Variants in CNTNAP1 observed in about 807,000 individuals in gnomAD.
CNTNAP1 encodes the protein contactin associated protein 1, also known as contactin-associated protein 1.
A neutral mutation model predicts 161.5 loss-of-function variants in CNTNAP1; 80 were observed. That is an observed-to-expected ratio of 0.50 (90% confidence interval 0.41 to 0.60). The LOEUF is 0.60. CNTNAP1 is among the 20% of genes least tolerant of loss of function. The probability of loss-of-function intolerance (pLI) is 0.00; values close to 1 mark genes in which losing one functional copy is unlikely to be tolerated. For synonymous variants in CNTNAP1, 695 were observed against 733.1 expected (o/e 0.95, Z 0.84); for missense variants, 1,464 against 1,854.8 (o/e 0.79, Z 3.87).
chr17:42,693,229 G>C, intron 17 of CNTNAP1, 68 bp from the exon 18 acceptor site: 1 of 1,590,938 alleles, frequency 6.3e-7, no homozygotes, highest in Non-Finnish European at 8.6e-7. Flanking sequence ...AAAGTGCTGG[G>C]ATTACAGGCG....
rs2053191753 is a variant in CNTNAP1, at chr17:42,698,982, G to A, written c.*72G>A. 7.2e-7 allele frequency: 1 copy of A among 1,393,070 alleles called. No individual in the cohort carries two copies. Among genetic ancestry groups the A allele is most frequent in the African/African-American group, 1.4e-5 (1 of 69,220 alleles). 86.3% of individuals were successfully genotyped at this position (1,393,070 alleles called of 1,614,324 possible). ...GTCCTGCCTCTCCCCCATCCTATCA[G>A]GGACATTTGGCTCCTCTTAGCTGGC... On this transcript the variant is annotated 3_prime_UTR_variant, in exon 24 of 24. Transcript: ENST00000264638.
At chr17:42,693,157 C>G (rs2053112144) in intron 17 of CNTNAP1, 140 bp from the exon 18 acceptor site, 2 of 1,017,136 alleles carry the variant, frequency 2.0e-6, no homozygotes, top group Non-Finnish European at 2.9e-6. Flanking sequence ...GACGGGGTTT[C>G]ATCATGTTAG....
chr17:42,694,462 G>A (rs1032966896), intron 18 of CNTNAP1, among the ~76,000 whole-genome samples: 1 of 152,100 alleles, frequency 6.6e-6, no homozygotes, highest in Non-Finnish European at 1.5e-5. Flanking sequence ...GTGAGCCACA[G>A]CGCCTGGCAA....
Position 42,697,309 on chromosome 17 carries a change from G to C in CNTNAP1, c.3510G>C (p.Ser1170=). 6.2e-7 allele frequency: 1 copy of C among 1,613,596 alleles called. No homozygotes were observed. Among genetic ancestry groups the C allele is most frequent in the Non-Finnish European group, 8.5e-7 (1 of 1,179,912 alleles). The change falls in exon 21 of 24, where the codon TCG becomes TCC. Residue 1170 remains serine (S), a synonymous_variant. Coordinates refer to ENST00000264638, the MANE Select transcript of CNTNAP1 (RefSeq NM_003632.3). ...TCCCACTGACAGAGCAGAAGTTCTC[G>C]CTGTTGGTGGACAGCCAGTTGGACT... ...DYFPLTEQKF[S]LLVDSQLDSP...
At position 42,687,795 on chromosome 17, in the gene CNTNAP1, G is replaced by A; in HGVS notation, c.1120G>A (p.Val374Met). 2 of 1,614,232 alleles carry A rather than the reference G, an allele frequency of 1.2e-6. No individual in the cohort carries two copies. The highest frequency in any genetic ancestry group is 1.7e-6 in the Non-Finnish European group (2 of 1,180,046). ...NFGGPHNFVQ[V>M]PGFPRRGRLA... ...CGGAGGCCCTCACAACTTCGTTCAAGTGCCCGGTTTCCCACGCCGTGGCCG... is the reference window on the plus strand; with the variant it reads ...CGGAGGCCCTCACAACTTCGTTCAAATGCCCGGTTTCCCACGCCGTGGCCG... The change falls in exon 8 of 24, where the codon GTG (valine) becomes ATG (methionine). Residue 374 changes from valine (V) to methionine (M), a missense_variant. Physicochemically the swap from Val to Met is conservative, Grantham distance 21 (BLOSUM62 1). This residue lies in a region of CNTNAP1 where 1,383 missense variants were observed against 1,765.0 expected (regional missense o/e 0.78). Coordinates refer to ENST00000264638, the MANE Select transcript of CNTNAP1 (RefSeq NM_003632.3). The surrounding 1 kb of genome is among the most constrained non-coding windows in gnomAD (Gnocchi z 4.7).
rs780261593 is a variant in CNTNAP1, at chr17:42,698,835, CCCAACT to C, written c.4084_4089del (p.Thr1362_Pro1363del). On this transcript the variant is annotated inframe_deletion, in exon 24 of 24. Transcript: ENST00000264638. ...CTCCAGCCTCAGCCCCAGCCCCAGC[CCCAACT>C]CCAGCCCCAGCCCCTGGCCCCCGGG... is the stretch of plus-strand genomic sequence containing the variant. The C allele has an allele frequency of 1.6e-5, 25 of 1,600,094 alleles. No individual in the cohort carries two copies. The South Asian group carries it at 2.6e-4, about 17-fold the overall frequency.
rs1457064945 is a variant in CNTNAP1 at position 42,691,458 on chromosome 17, G to A, written c.2291G>A (p.Arg764His). ...CAGGTAGTGATAGGGGATACGAACC[G>A]CTCCACTTCTGAGGCCCAGTTCTTC... is the stretch of plus-strand genomic sequence containing the variant. ...VTQVVIGDTN[R>H]STSEAQFFLR... Residue 764 changes from arginine to histidine, a missense_variant, in exon 15 of 24, where the codon CGC becomes CAC. This residue lies in a region of CNTNAP1 where 1,383 missense variants were observed against 1,765.0 expected (regional missense o/e 0.78). Transcript: ENST00000264638. This position sits in a 1 kb window ranked among gnomAD's most constrained non-coding sequence, Gnocchi z 4.3. 9 of 1,613,936 alleles carry A rather than the reference G, an allele frequency of 5.6e-6. No individual in the cohort carries two copies. The highest frequency in any genetic ancestry group is 2.2e-5 in the South Asian group (2 of 91,078).
chr17:42,693,233 A>G lies in CNTNAP1; in HGVS notation c.2753-64A>G, dbSNP rs569323126. On this transcript the variant is annotated intron_variant, in intron 17 of 23. Coordinates refer to ENST00000264638, the MANE Select transcript of CNTNAP1 (RefSeq NM_003632.3). Reference sequence around the variant, plus strand: ...CTCGGCCTCCCAAAGTGCTGGGATTACAGGCGTGAGCCACCGCGCCTGGCC... The same window carrying G: ...CTCGGCCTCCCAAAGTGCTGGGATTGCAGGCGTGAGCCACCGCGCCTGGCC... The G allele has an allele frequency of 8.2e-6, 13 of 1,592,546 alleles. No individual in the cohort carries two copies. The South Asian group carries it at 8.9e-5, about 11-fold the overall frequency.
intron 6 of CNTNAP1, 45 bp downstream of exon 6, chr17:42,686,186 G>A (rs1466582985): frequency 6.3e-7 from 1 of 1,588,456 alleles, no homozygotes; most frequent in East Asian, 2.2e-5. Flanking sequence ...GTAGATGCTG[G>A]ATGAGTGAGT....
At position 42,688,940 on chromosome 17, in the gene CNTNAP1, G is replaced by A. The variant is rs1337550919; in HGVS notation, c.1521G>A (p.Met507Ile). 29 of 1,613,990 alleles carry A rather than the reference G, an allele frequency of 1.8e-5. No homozygotes were observed. Among genetic ancestry groups the A allele is most frequent in the Non-Finnish European group, 2.2e-5 (26 of 1,180,006 alleles). ...ACCAGACGGCATTCCATGGCTGCAT[G>A]GAGCTGCTCAAGGTGGATGGTCAAC... ...HSNQTAFHGC[M>I]ELLKVDGQLV... The change falls in exon 10 of 24, where the codon ATG becomes ATA. Residue 507 changes from methionine (M) to isoleucine (I), a missense_variant. Met to Ile is a conservative substitution (Grantham distance 10, BLOSUM62 1). This residue lies in a region of CNTNAP1 where 1,383 missense variants were observed against 1,765.0 expected (regional missense o/e 0.78). Transcript: ENST00000264638.
intron 16 of CNTNAP1, 47 bp downstream of exon 16, chr17:42,692,038 G>C: frequency 1.9e-6 from 3 of 1,587,586 alleles, no homozygotes; most frequent in Non-Finnish European, 2.6e-6. Context: ...TGAAAGTGCT[G>C]TCTGGGGAGA....
intron 6 of CNTNAP1, 40 bp from the exon 7 acceptor site, chr17:42,686,863 T>G (rs2053022246): frequency 6.4e-7 from 1 of 1,559,392 alleles, no homozygotes; most frequent in Non-Finnish European, 8.7e-7. Context: ...GCAGGCGCCC[T>G]CCTGTGCCCA....
intron 3 of CNTNAP1, among the ~76,000 whole-genome samples, chr17:42,684,507 G>A (rs1314659343): frequency 5.9e-5 from 9 of 152,182 alleles, no homozygotes; most frequent in Admixed American, 5.9e-4. Flanking sequence ...AGGATTGTGG[G>A]ACAGGGCACT....
chr17:42,692,752 C>T, intron 17 of CNTNAP1, 32 bp downstream of exon 17: 2 of 1,561,010 alleles, frequency 1.3e-6, no homozygotes, highest in Non-Finnish European at 1.7e-6. Flanking sequence ...AGTCTGAAGC[C>T]TCCTTTACCT....
rs374763276 is a variant in CNTNAP1, at chr17:42,697,884, G to C, written c.3815-19G>C. 3 of 1,612,116 alleles carry C rather than the reference G, an allele frequency of 1.9e-6. No homozygotes were observed. The highest frequency in any genetic ancestry group is 1.7e-6 in the Non-Finnish European group (2 of 1,178,802). On this transcript the variant is annotated intron_variant, in intron 22 of 23. Transcript: ENST00000264638. ...AACATGGAGGAGGCATCTCCTAACT[G>C]GTGCTTTCTCCTCTCCAGACTTCCC...
At position 42,686,868 on chromosome 17, in the gene CNTNAP1, T is replaced by C. The variant is rs768499327; in HGVS notation, c.901-35T>C. On this transcript the variant is annotated intron_variant, in intron 6 of 23. Coordinates refer to ENST00000264638, the MANE Select transcript of CNTNAP1 (RefSeq NM_003632.3). ...CGCGAGAAAGGCAGGCGCCCTCCTG[T>C]GCCCAAGAGGCCTCATTCCCCACGC... 1.3e-5 allele frequency: 20 copies of C among 1,566,578 alleles called. No individual in the cohort carries two copies. The Admixed American group carries it at 3.6e-4, about 28-fold the overall frequency.
rs757719386 is a variant in CNTNAP1 at position 42,688,015 on chromosome 17, AGAG to A, written c.1306+35_1306+37del. On this transcript the variant is annotated intron_variant, in intron 8 of 23. Transcript: ENST00000264638. ...GTTTCGGGGGAGGCACAAGAAGAGAAGAGAAGTGTAGAGGATCCCAGGAAAGTT... is the reference window on the plus strand; with the variant it reads ...GTTTCGGGGGAGGCACAAGAAGAGAAAAGTGTAGAGGATCCCAGGAAAGTT... 21 of 1,599,226 alleles carry A rather than the reference AGAG, an allele frequency of 1.3e-5. No individual in the cohort carries two copies. The Admixed American group carries it at 2.6e-4, about 19-fold the overall frequency.
intron 6 of CNTNAP1, among the ~76,000 whole-genome samples, chr17:42,686,473 T>TTTTTTTTTTG (rs2053013003): frequency 1.8e-5 from 2 of 109,728 alleles, no homozygotes; most frequent in African/African-American, 4.8e-5. Context: ...AGGCCTGTTT[T>TTTTTTTTTTG]TTTTTTTTTT....
At position 42,682,707 on chromosome 17, in the gene CNTNAP1, T is replaced by C. The variant is rs1220295050; in HGVS notation, c.-123T>C. 6.0e-5 allele frequency: 50 copies of C among 832,806 alleles called. No homozygotes were observed. In the South Asian group the frequency reaches 7.3e-4, roughly 12 times the overall value. The allele number at this position is 832,806 out of a possible 1,614,324, so 51.6% of individuals were successfully genotyped here. ...GCGAAAGGAGAGAGGGAGGGAAGGG[T>C]GGGTAAGGAGGAGAGAGCGGTCTGC... On this transcript the variant is annotated 5_prime_UTR_variant, in exon 1 of 24. Coordinates refer to ENST00000264638, the MANE Select transcript of CNTNAP1 (RefSeq NM_003632.3).
Sources: gnomAD v4.1 joint callset for allele counts (sites outside exome capture counted in the v4.1 genomes callset) on GRCh38, gnomAD v4.1.1 for gene constraint, gnomAD v4.1.1 regional missense constraint, Gnocchi (gnomAD v3.1) non-coding constraint, MANE v1.5 for transcripts, NCBI Gene and HGNC (gene_info 2026-07-23, HGNC 2026-07-21) for gene names.